The following MPPED2 variants were observed in gnomAD, a reference collection of about 807,000 sequenced individuals.
MPPED2 encodes the protein metallophosphoesterase MPPED2.
MPPED2 carries 5 observed loss-of-function variants against 33.0 expected under a neutral mutation model. That is an observed-to-expected ratio of 0.15 (90% CI 0.08 to 0.32). The LOEUF is 0.32. Ranked by LOEUF, MPPED2 falls within the 10% of genes least tolerant of loss-of-function variation. The pLI, the probability that MPPED2 is intolerant of heterozygous loss-of-function variation, is 1.00. For synonymous variants in MPPED2, 136 were observed against 141.9 expected (o/e 0.96, Z 0.29); for missense variants, 275 against 372.1 (o/e 0.74, Z 2.15).
chr11:30,551,121 T>G (rs1243865658), intron 2 of MPPED2, among the ~76,000 whole-genome samples: 1 of 152,210 alleles, frequency 6.6e-6, no homozygotes, highest in African/African-American at 2.4e-5. Context: ...GACTTGTTCA[T>G]GGCCAATGTT....
intron 4 of MPPED2, among the ~76,000 whole-genome samples, chr11:30,437,199 C>T (rs892627767): frequency 6.6e-6 from 1 of 152,214 alleles, no homozygotes; most frequent in Admixed American, 6.5e-5. Flanking sequence ...GACCTAAACA[C>T]TAAGTTACCT....
At chr11:30,485,305 T>C (rs1353870251) in intron 4 of MPPED2, among the ~76,000 whole-genome samples, 1 of 152,194 alleles carries the variant, frequency 6.6e-6, no homozygotes, top group Non-Finnish European at 1.5e-5. Flanking sequence ...TAAAACAATT[T>C]TACGTCTGGT....
chr11:30,546,017 G>A (rs1196490167), intron 2 of MPPED2, among the ~76,000 whole-genome samples: 1 of 152,046 alleles, frequency 6.6e-6, no homozygotes, highest in Admixed American at 6.5e-5. Flanking sequence ...CTGCCACCAC[G>A]CCATGTTGGC....
intron 2 of MPPED2, among the ~76,000 whole-genome samples, chr11:30,539,800 T>C (rs1565166008): frequency 6.6e-6 from 1 of 152,104 alleles, no homozygotes. Flanking sequence ...TTTCTTGTTA[T>C]TAGCAGTAGT....
chr11:30,508,634 G>A (rs956507016), intron 3 of MPPED2, among the ~76,000 whole-genome samples: 1 of 152,120 alleles, frequency 6.6e-6, no homozygotes, highest in Non-Finnish European at 1.5e-5. Context: ...CACTAAAGCT[G>A]GGTGATCTCA....
At chr11:30,566,480 A>G (rs1956446704) in intron 2 of MPPED2, among the ~76,000 whole-genome samples, 1 of 152,186 alleles carries the variant, frequency 6.6e-6, no homozygotes, top group African/African-American at 2.4e-5. Flanking sequence ...AGCTTCATCC[A>G]GCTCCATCCT....
At chr11:30,397,926 G>A (rs1947859063) in intron 6 of MPPED2, among the ~76,000 whole-genome samples, 1 of 152,020 alleles carries the variant, frequency 6.6e-6, no homozygotes, top group African/African-American at 2.4e-5. Flanking sequence ...TTAAAAATCA[G>A]TCTATTATGG....
intron 4 of MPPED2, chr11:30,451,729 G>A (rs1411740845): frequency 1.0e-6 from 1 of 979,380 alleles, no homozygotes; most frequent in Non-Finnish European, 1.2e-6. Context: ...GAATACAACT[G>A]TTTTCTGCTG....
intron 1 of MPPED2, among the ~76,000 whole-genome samples, chr11:30,580,997 T>C (rs1293391931): frequency 6.6e-6 from 1 of 152,250 alleles, no homozygotes; most frequent in Non-Finnish European, 1.5e-5. Context: ...TACTATAACA[T>C]GCACATAATA....
intron 4 of MPPED2, 137 bp from the exon 5 acceptor site, chr11:30,417,770 T>C (rs1267534048): frequency 3.3e-6 from 2 of 608,036 alleles, no homozygotes; most frequent in Non-Finnish European, 6.0e-6. Context: ...GGCAGCAGGA[T>C]GCTTTTTTGT....
rs1350121764 is a variant in MPPED2 at position 30,436,957 on chromosome 11, C to T, written c.537-19324G>A. The stretch of plus-strand genomic sequence containing the variant: ...AAAGAGTGTGACATGATGGCATTCT[C>T]TGGTTGGTGAATGCCGTGATGGCTG... On this transcript the variant is annotated intron_variant, in intron 4 of 6. Transcript: ENST00000358117. Among the ~76,000 whole-genome samples the T allele has an allele frequency of 3.3e-5, 5 of 152,232 alleles. No homozygotes were observed. In the East Asian group the frequency reaches 7.7e-4, roughly 23 times the overall value.
At chr11:30,502,611 T>G (rs956459360) in intron 3 of MPPED2, among the ~76,000 whole-genome samples, 8 of 152,186 alleles carry the variant, frequency 5.3e-5, no homozygotes, top group African/African-American at 1.9e-4. Flanking sequence ...AAAAACTTGT[T>G]GCTACAATTA....
intron 3 of MPPED2, among the ~76,000 whole-genome samples, chr11:30,496,502 A>G (rs1952260577): frequency 1.3e-5 from 2 of 152,104 alleles, no homozygotes; most frequent in African/African-American, 2.4e-5. Flanking sequence ...TGGAGGAAAA[A>G]AAGAGTGGGA....
At chr11:30,559,531 A>G (rs550132117) in intron 2 of MPPED2, among the ~76,000 whole-genome samples, 1 of 152,294 alleles carries the variant, frequency 6.6e-6, no homozygotes, top group Non-Finnish European at 1.5e-5. Context: ...CTTACTAATT[A>G]AAAAGAAACT....
chr11:30,403,315 G>A (rs1002628936), intron 6 of MPPED2, among the ~76,000 whole-genome samples: 20 of 151,786 alleles, frequency 1.3e-4, no homozygotes, highest in African/African-American at 4.4e-4. Context: ...TTTCAATTTC[G>A]CTGGTACTCA....
rs79398929 is a variant in MPPED2 at position 30,415,481 on chromosome 11, C to T, written c.653-1140G>A. On this transcript the variant is annotated intron_variant, in intron 5 of 6. Transcript: ENST00000358117. ...CTTATACCATAACAGTGAAGTCTCA[C>T]GGCACTGTGGCATCCCTCACCAGCA... Among the ~76,000 whole-genome samples the T allele has an allele frequency of 3.7e-4, 56 of 152,294 alleles. No individual in the cohort carries two copies. In the East Asian group the frequency reaches 5.0e-3, roughly 14 times the overall value.
intron 2 of MPPED2, among the ~76,000 whole-genome samples, chr11:30,566,714 T>C (rs1956459066): frequency 6.6e-6 from 1 of 152,150 alleles, no homozygotes; most frequent in Non-Finnish European, 1.5e-5. Context: ...TTGTGATAGG[T>C]GTTGTGAATA....
At chr11:30,439,589 TC>T (rs1949476153) in intron 4 of MPPED2, among the ~76,000 whole-genome samples, 1 of 152,128 alleles carries the variant, frequency 6.6e-6, no homozygotes, top group South Asian at 2.1e-4. Context: ...GAAACCCCAG[TC>T]ATTGCTGAGT....
At chr11:30,462,600 C>T (rs1198557138) in intron 4 of MPPED2, among the ~76,000 whole-genome samples, 1 of 152,142 alleles carries the variant, frequency 6.6e-6, no homozygotes, top group Non-Finnish European at 1.5e-5. Flanking sequence ...AATGCTGTTT[C>T]TATTTCTGGC....
Sources: gnomAD v4.1 joint callset for allele counts (sites outside exome capture counted in the v4.1 genomes callset) on GRCh38, gnomAD v4.1.1 for gene constraint, MANE v1.5 for transcripts, NCBI Gene and HGNC (gene_info 2026-07-23, HGNC 2026-07-21) for gene names.